The following FAM20C variants were observed in gnomAD, a reference collection of about 807,000 sequenced individuals.
The protein encoded by FAM20C is FAM20C golgi associated secretory pathway kinase, also known as extracellular serine/threonine protein kinase FAM20C.
FAM20C carries 40 observed loss-of-function variants against 51.5 expected under a neutral mutation model. The ratio of observed to expected loss-of-function variants is 0.78; its 90% confidence interval spans 0.60 to 1.01. FAM20C has a LOEUF of 1.01. FAM20C is among the 50% of genes least tolerant of loss of function. The pLI is 0.00. For synonymous variants in FAM20C, 406 were observed against 380.6 expected, an observed-to-expected ratio of 1.07 and a Z score of -0.78; for missense variants, 861 against 844.7, an observed-to-expected ratio of 1.02 and a Z score of -0.24.
intron 3 of FAM20C, among the ~76,000 whole-genome samples, chr7:211,456 G>A (rs531738575): frequency 1.3e-3 from 177 of 137,926 alleles, no homozygotes; most frequent in African/African-American, 4.4e-3. Context: ...GCCCCCCACC[G>A]TGATGGGCAC....
At chr7:198,653 T>G (rs1339331374) in intron 2 of FAM20C, among the ~76,000 whole-genome samples, 1 of 152,122 alleles carries the variant, frequency 6.6e-6, no homozygotes, top group Non-Finnish European at 1.5e-5. Flanking sequence ...ATACCTGCAG[T>G]TCCCAAATAC....
intron 1 of FAM20C, among the ~76,000 whole-genome samples, chr7:194,537 G>T (rs533114263): frequency 1.2e-3 from 180 of 152,164 alleles, no homozygotes; most frequent in Admixed American, 3.7e-3. Flanking sequence ...CAGCAGCAGA[G>T]GGGGAGACCA....
chr7:257,119 A>T (rs1212896229), intron 8 of FAM20C, 33 bp downstream of exon 8: 1 of 1,532,344 alleles, frequency 6.5e-7, no homozygotes, highest in Admixed American at 2.0e-5. Context: ...ACACCCAGGG[A>T]AGGGCCGGCC....
chr7:255,668 G>A (rs901890750), intron 5 of FAM20C, among the ~76,000 whole-genome samples, 181 bp from the exon 6 acceptor site: 1 of 151,946 alleles, frequency 6.6e-6, no homozygotes. Context: ...CGTCAGCTCT[G>A]TGGGTTCATT....
In FAM20C at chr7:257,116, GGGAAGGGCC is replaced by G. The variant is rs1331471271; in HGVS notation, c.1445+33_1445+41del. 3.3e-6 allele frequency: 5 copies of G among 1,533,830 alleles called. No individual in the cohort carries two copies. In the African/African-American group the frequency reaches 6.8e-5, roughly 21 times the overall value. ...GCCTGTCCTCGCCCCTGCACACCCA[GGGAAGGGCC>G]GGCCACCTCCCAGCTACCTGCAGCC... On this transcript the variant is annotated intron_variant, in intron 8 of 9. Transcript: ENST00000313766.
chr7:216,619 A>G (rs572236899), intron 3 of FAM20C, among the ~76,000 whole-genome samples: 13 of 131,332 alleles, frequency 9.9e-5, no homozygotes, highest in South Asian at 4.9e-4. Context: ...GTGTGTGTGT[A>G]TGAGTGTGTG....
intron 2 of FAM20C, among the ~76,000 whole-genome samples, chr7:199,375 C>G (rs1030773862): frequency 6.6e-6 from 1 of 152,254 alleles, no homozygotes; most frequent in Non-Finnish European, 1.5e-5. Flanking sequence ...TGCCTTCCAA[C>G]CACCGCTCCA....
chr7:208,683 A>G (rs563560209), intron 2 of FAM20C, among the ~76,000 whole-genome samples: 1 of 151,296 alleles, frequency 6.6e-6, no homozygotes, highest in East Asian at 2.0e-4. Context: ...GTCAGCATGG[A>G]GAGATCTACC....
intron 2 of FAM20C, among the ~76,000 whole-genome samples, chr7:201,674 T>G (rs567081414): frequency 6.6e-6 from 1 of 152,362 alleles, no homozygotes; most frequent in East Asian, 1.9e-4. Flanking sequence ...TTAGTATTTC[T>G]GTGACAGCAG....
chr7:206,312 T>C (rs1786375131), intron 2 of FAM20C, among the ~76,000 whole-genome samples: 1 of 152,178 alleles, frequency 6.6e-6, no homozygotes, highest in Non-Finnish European at 1.5e-5. Flanking sequence ...CACCGTTGGC[T>C]CCAGGGCAGC....
chr7:208,837 A>C, intron 2 of FAM20C, 61 bp from the exon 3 acceptor site: 1 of 1,517,508 alleles, frequency 6.6e-7, no homozygotes, highest in Non-Finnish European at 8.9e-7. Context: ...CCTCGTCCGC[A>C]CAGGAGAAGA....
intron 5 of FAM20C, among the ~76,000 whole-genome samples, chr7:248,962 T>C (rs574933685): frequency 1.3e-5 from 2 of 152,346 alleles, no homozygotes; most frequent in East Asian, 1.9e-4. Context: ...GCCCTGTGCC[T>C]CCTTCCACAC....
rs572691806 is a variant in FAM20C, at chr7:255,423, T to C, written c.1073-426T>C. On this transcript the variant is annotated intron_variant, in intron 5 of 9. Transcript: ENST00000313766. ...CCCTCTGCCCATTTATTAGTTTTTT[T>C]TGTCTTTTTGTGATTGAGTGATGAG... 6.6e-5 allele frequency among the ~76,000 whole-genome samples: 10 copies of C among 152,372 alleles called. No individual in the cohort carries two copies. The South Asian group carries it at 2.1e-3, about 32-fold the overall frequency.
chr7:214,045 G>T (rs968060548), intron 3 of FAM20C, among the ~76,000 whole-genome samples: 1 of 152,158 alleles, frequency 6.6e-6, no homozygotes. Context: ...AGACGTCTTG[G>T]CCAGGCACAG....
intron 3 of FAM20C, among the ~76,000 whole-genome samples, chr7:237,838 G>GTGT (rs1787894885): frequency 6.8e-3 from 2 of 296 alleles, no homozygotes; most frequent in Non-Finnish European, 0.021. Context: ...AATAGTGATA[G>GTGT]TGATGATGNN....
intron 3 of FAM20C, among the ~76,000 whole-genome samples, chr7:217,972 T>C (rs1223450182): frequency 2.0e-5 from 3 of 152,088 alleles, no homozygotes; most frequent in Admixed American, 6.5e-5. Flanking sequence ...TGGGGTCCTG[T>C]ACAGTGGGCC....
chr7:214,608 C>T (rs964754681), intron 3 of FAM20C, among the ~76,000 whole-genome samples: 1 of 152,088 alleles, frequency 6.6e-6, no homozygotes, highest in Non-Finnish European at 1.5e-5. Flanking sequence ...TGCTGTTTGA[C>T]CTGACTGAGT....
chr7:253,894 G>T lies in FAM20C; in HGVS notation c.1073-1955G>T, dbSNP rs966021011. 6.6e-5 allele frequency among the ~76,000 whole-genome samples: 10 copies of T among 152,346 alleles called. 1 individual carries two copies. The South Asian group carries it at 1.5e-3, about 22-fold the overall frequency. On this transcript the variant is annotated intron_variant, in intron 5 of 9. Coordinates refer to ENST00000313766, the MANE Select transcript of FAM20C (RefSeq NM_020223.4). ...AATTTTAAGCCTCCAGCCAATGAGC[G>T]CTCAGATGAAGATTTTCCTCCTGAA... is the stretch of plus-strand genomic sequence containing the variant.
At chr7:205,833 A>G (rs1225716114) in intron 2 of FAM20C, among the ~76,000 whole-genome samples, 1 of 151,550 alleles carries the variant, frequency 6.6e-6, no homozygotes, top group Admixed American at 6.6e-5. Flanking sequence ...CGGCACCCCC[A>G]GGCCCCCCAC....
Sources: allele counts gnomAD v4.1 joint callset (sites outside exome capture counted in the v4.1 genomes callset), GRCh38; gene constraint gnomAD v4.1.1; transcripts MANE v1.5; gene names NCBI Gene and HGNC (gene_info 2026-07-23, HGNC 2026-07-21).